Variants in CFAP46 observed in about 807,000 individuals in gnomAD.
CFAP46 encodes cilia and flagella associated protein 46.
A neutral mutation model predicts 325.7 loss-of-function variants in CFAP46; 245 were observed. The observed-to-expected ratio is 0.75, with a 90% CI of 0.68 to 0.84. The LOEUF is 0.84. CFAP46 is among the 40% of genes least tolerant of loss of function. The pLI is 0.00. For synonymous variants in CFAP46, 1,523 were observed against 1,495.9 expected (o/e 1.02, Z -0.42); for missense variants, 3,346 against 3,543.0 (o/e 0.94, Z 1.41).
intron 27 of CFAP46, among the ~76,000 whole-genome samples, chr10:132,882,167 T>G (rs1212198663): frequency 9.5e-4 from 93 of 97,864 alleles, no homozygotes; most frequent in African/African-American, 2.6e-3. Context: ...GTGTGAGTGG[T>G]GTGTGTGGGA....
intron 22 of CFAP46, among the ~76,000 whole-genome samples, chr10:132,903,564 T>C (rs755936403): frequency 8.5e-5 from 13 of 152,332 alleles, no homozygotes; most frequent in Non-Finnish European, 1.6e-4. Context: ...TTCCGATATT[T>C]CCTTCTAGCA....
Position 132,912,795 on chromosome 10 carries a change from A to C in CFAP46, c.2359T>G (p.Cys787Gly), listed in dbSNP as rs1248696855. 1.7e-5 allele frequency: 26 copies of C among 1,549,380 alleles called. No individual in the cohort carries two copies. Among genetic ancestry groups the C allele is most frequent in the Non-Finnish European group, 2.2e-5 (25 of 1,146,638 alleles). ...ATCAGGCCTCGCGCCAAGGTGTTGC[A>C]GAGCGTCACCAGCATCACGGGGTCC... is the stretch of plus-strand genomic sequence containing the variant. ...SGDPVMLVTL[C>G]NTLARGLIIS... Residue 787 changes from cysteine to glycine, a missense_variant, in exon 19 of 58, where the codon TGC becomes GGC. By Grantham distance (159) the Cys-to-Gly change is radical. Transcript: ENST00000368586.
At chr10:132,822,129 G>T (rs1847861380) in intron 50 of CFAP46, among the ~76,000 whole-genome samples, 1 of 143,040 alleles carries the variant, frequency 7.0e-6, no homozygotes, top group African/African-American at 2.7e-5. Flanking sequence ...GTGCACTTGT[G>T]TGTGCTGTGT....
chr10:132,841,738 G>T (rs1337866489), intron 44 of CFAP46, among the ~76,000 whole-genome samples: 2 of 152,218 alleles, frequency 1.3e-5, no homozygotes, highest in Non-Finnish European at 2.9e-5. Flanking sequence ...TGAGCTGTGG[G>T]TCTATCTGCA....
At chr10:132,863,135 C>T (rs771753047) in intron 35 of CFAP46, among the ~76,000 whole-genome samples, 7 of 152,048 alleles carry the variant, frequency 4.6e-5, no homozygotes, top group African/African-American at 9.7e-5. Flanking sequence ...ACGGTGGCCC[C>T]GGGTATGAGG....
At chr10:132,926,999 T>C (rs1306597630) in intron 9 of CFAP46, among the ~76,000 whole-genome samples, 2 of 152,028 alleles carry the variant, frequency 1.3e-5, no homozygotes, top group Non-Finnish European at 2.9e-5. Context: ...TGCGCTGAAG[T>C]CTGGGAAGCA....
At chr10:132,834,420 A>G (rs531313272) in intron 48 of CFAP46, among the ~76,000 whole-genome samples, 2 of 152,070 alleles carry the variant, frequency 1.3e-5, no homozygotes, top group South Asian at 4.2e-4. Flanking sequence ...CCCACCCCAC[A>G]CTTGGGCCAG....
intron 7 of CFAP46, among the ~76,000 whole-genome samples, chr10:132,935,150 T>C (rs543275233): frequency 6.6e-6 from 1 of 152,156 alleles, no homozygotes; most frequent in East Asian, 1.9e-4. Context: ...ACGGGAAATG[T>C]GGGGCACTCT....
chr10:132,816,181 C>T lies in CFAP46; in HGVS notation c.7118-1267G>A, dbSNP rs746128162. Reference sequence around the variant, plus strand: ...CTCGGGGACTTCCGGGTTCTCCTGTCGCTGCTGGTGCGTCGTTAGCGCTGT... The same window carrying T: ...CTCGGGGACTTCCGGGTTCTCCTGTTGCTGCTGGTGCGTCGTTAGCGCTGT... On this transcript the variant is annotated intron_variant, in intron 50 of 57. Transcript: ENST00000368586. Among the ~76,000 whole-genome samples the T allele has an allele frequency of 5.9e-5, 9 of 151,798 alleles. No individual in the cohort carries two copies. In the South Asian group the frequency reaches 1.7e-3, roughly 28 times the overall value.
intron 20 of CFAP46, 34 bp downstream of exon 20, chr10:132,909,885 C>T (rs1009665489): frequency 7.3e-5 from 101 of 1,392,454 alleles, no homozygotes; most frequent in East Asian, 8.6e-5. Context: ...CACAGGGCCT[C>T]AGTCAGAGCC....
chr10:132,919,495 T>C lies in CFAP46; in HGVS notation c.1731-53A>G. ...AAGGTGAGTAGACAAGTGTGGTTGCTGAAGTTAGAAAACACCTGGGCTGGC... is the reference window on the plus strand; with the variant it reads ...AAGGTGAGTAGACAAGTGTGGTTGCCGAAGTTAGAAAACACCTGGGCTGGC... On this transcript the variant is annotated intron_variant, in intron 14 of 57. Coordinates refer to ENST00000368586, the MANE Select transcript of CFAP46 (RefSeq NM_001200049.3). The surrounding 1 kb of genome is among the most constrained non-coding windows in gnomAD (Gnocchi z 9.7). 1 of 1,509,764 alleles carries C rather than the reference T, an allele frequency of 6.6e-7. No individual in the cohort carries two copies. The highest frequency in any genetic ancestry group is 1.2e-5 in the South Asian group (1 of 81,212). The allele number at this position is 1,509,764 out of a possible 1,614,324, so 93.5% of individuals were successfully genotyped here. A position where few individuals can be genotyped will look rare whatever the true frequency, so the allele number is the denominator to read the frequency against.
chr10:132,869,153 G>T lies in CFAP46; in HGVS notation c.4610+121C>A. On this transcript the variant is annotated intron_variant, in intron 33 of 57. Coordinates refer to ENST00000368586, the MANE Select transcript of CFAP46 (RefSeq NM_001200049.3). This position sits in a 1 kb window ranked among gnomAD's most constrained non-coding sequence, Gnocchi z 6.2. Reference sequence around the variant, plus strand: ...CCGGCCACAGCCGTGTCCCCCAAGTGCTCACTCTCCCCAGAGGGGCAGGAG... The same window carrying T: ...CCGGCCACAGCCGTGTCCCCCAAGTTCTCACTCTCCCCAGAGGGGCAGGAG... The T allele has an allele frequency of 1.4e-6, 1 of 724,086 alleles. No individual in the cohort carries two copies. The highest frequency in any genetic ancestry group is 2.1e-6 in the Non-Finnish European group (1 of 480,190). The allele number at this position is 724,086 out of a possible 1,614,324, so 44.9% of individuals were successfully genotyped here.
intron 8 of CFAP46, among the ~76,000 whole-genome samples, chr10:132,931,097 A>C (rs1228584099): frequency 3.9e-4 from 11 of 27,984 alleles, no homozygotes; most frequent in South Asian, 2.5e-3. Context: ...GGGCCTCCCC[A>C]CACTCCCCAC....
At chr10:132,933,067 C>T (rs568827529) in intron 8 of CFAP46, among the ~76,000 whole-genome samples, 3 of 152,356 alleles carry the variant, frequency 2.0e-5, no homozygotes, top group African/African-American at 4.8e-5. Flanking sequence ...ACCGGGAACA[C>T]AATTGGCGGC....
Position 132,889,202 on chromosome 10 carries a change from C to G in CFAP46, c.3304+3131G>C, listed in dbSNP as rs1042026888. 3.9e-5 allele frequency among the ~76,000 whole-genome samples: 6 copies of G among 152,218 alleles called. No individual in the cohort carries two copies. The highest frequency in any genetic ancestry group is 1.4e-4 in the African/African-American group (6 of 41,456). On this transcript the variant is annotated intron_variant, in intron 25 of 57. Transcript: ENST00000368586. The surrounding 1 kb of genome is among the most constrained non-coding windows in gnomAD (Gnocchi z 6.0). Reference sequence around the variant, plus strand: ...GCCCCGTCATGCTATCAGCAGGACCCGCCTCTGGTGCCAGCACCTGGACCA... The same window carrying G: ...GCCCCGTCATGCTATCAGCAGGACCGGCCTCTGGTGCCAGCACCTGGACCA...
intron 44 of CFAP46, among the ~76,000 whole-genome samples, chr10:132,838,276 G>T (rs145709200): frequency 1.3e-5 from 2 of 152,274 alleles, no homozygotes; most frequent in African/African-American, 4.8e-5. Context: ...GCCCTCCATC[G>T]AGCTGTGAGG....
At chr10:132,912,592 T>TCCACAC in intron 19 of CFAP46, 63 bp downstream of exon 19, 1 of 1,331,534 alleles carries the variant, frequency 7.5e-7, no homozygotes, top group Non-Finnish European at 9.9e-7. Flanking sequence ...CTCCTCTCTC[T>TCCACAC]CTCTCCTCTC....
At chr10:132,867,161 G>A (rs1367923286) in intron 34 of CFAP46, among the ~76,000 whole-genome samples, 1 of 148,998 alleles carries the variant, frequency 6.7e-6, no homozygotes, top group African/African-American at 2.4e-5. Flanking sequence ...ACACAGGCCG[G>A]CCCCTCACAC....
chr10:132,821,640 CTG>C (rs757737936), intron 50 of CFAP46, among the ~76,000 whole-genome samples: 3 of 118,058 alleles, frequency 2.5e-5, no homozygotes, highest in East Asian at 2.8e-4. Context: ...GTGCTGTGTG[CTG>C]TGTGAGTGCT....
Sources: gnomAD v4.1 joint callset for allele counts (sites outside exome capture counted in the v4.1 genomes callset) on GRCh38, gnomAD v4.1.1 for gene constraint, Gnocchi (gnomAD v3.1) non-coding constraint, MANE v1.5 for transcripts, NCBI Gene and HGNC (gene_info 2026-07-23, HGNC 2026-07-21) for gene names.